Variants in DIAPH3 observed in about 807,000 individuals in gnomAD.
DIAPH3 encodes the protein protein diaphanous homolog 3.
DIAPH3 carries 117 observed loss-of-function variants against 144.3 expected under a neutral mutation model. That is an observed-to-expected ratio of 0.81 (90% confidence interval 0.70 to 0.95). The LOEUF (loss-of-function observed/expected upper bound fraction) is 0.95. Ranked by LOEUF, DIAPH3 falls within the 40% of genes least tolerant of loss-of-function variation. DIAPH3 has a pLI of 0.00. For missense variants in DIAPH3, 1,421 were observed against 1,412.7 expected, an observed-to-expected ratio of 1.01 and a Z score of -0.09; for synonymous variants, 519 against 488.9, an observed-to-expected ratio of 1.06 and a Z score of -0.81.
At chr13:60,010,699 TGTTAGAAATTA>T (rs1299879861) in intron 7 of DIAPH3, 30 bp from the exon 8 acceptor site, 1 of 1,602,836 alleles carries the variant, frequency 6.2e-7, no homozygotes. Flanking sequence ...AGAGGTCAAA[TGTTAGAAATTA>T]GTTAGAAAAA....
chr13:60,162,198 G>A (rs140010307), intron 1 of DIAPH3, among the ~76,000 whole-genome samples: 1 of 152,310 alleles, frequency 6.6e-6, no homozygotes, highest in Non-Finnish European at 1.5e-5. Flanking sequence ...AAACAGCACA[G>A]AGACTGGAAA....
rs1250061967 is a variant in DIAPH3, at chr13:59,965,223, A to ATGCC, written c.2074+4720_2074+4721insGGCA. On this transcript the variant is annotated intron_variant, in intron 17 of 27. Transcript: ENST00000400324. ...TCCATTAACTGTTTCCATATGCCATAACTATTCAGTTGAGAAATAATTTAT... is the reference window on the plus strand; with the variant it reads ...TCCATTAACTGTTTCCATATGCCATATGCCACTATTCAGTTGAGAAATAATTTAT... Among the ~76,000 whole-genome samples, 31 of 152,276 alleles carry ATGCC rather than the reference A, an allele frequency of 2.0e-4. No individual in the cohort carries two copies. In the East Asian group the frequency reaches 6.0e-3, roughly 29 times the overall value.
At chr13:59,878,322 A>G (rs1347484821) in intron 21 of DIAPH3, among the ~76,000 whole-genome samples, 1 of 152,190 alleles carries the variant, frequency 6.6e-6, no homozygotes, top group African/African-American at 2.4e-5. Context: ...ATTGATAGCA[A>G]TGAGAGGCTT....
chr13:59,818,838 T>C (rs2040915448), intron 24 of DIAPH3, among the ~76,000 whole-genome samples: 1 of 151,918 alleles, frequency 6.6e-6, no homozygotes, highest in African/African-American at 2.4e-5. Context: ...CCATTGAATG[T>C]TAAATTTCAA....
At chr13:59,968,839 T>C (rs1009639678) in intron 17 of DIAPH3, among the ~76,000 whole-genome samples, 1 of 152,180 alleles carries the variant, frequency 6.6e-6, no homozygotes, top group Non-Finnish European at 1.5e-5. Context: ...GTTAAACAGA[T>C]ACATAAAGCA....
intron 9 of DIAPH3, 93 bp downstream of exon 9, chr13:60,008,450 CT>C: frequency 1.3e-6 from 1 of 774,420 alleles, no homozygotes; most frequent in Non-Finnish European, 2.2e-6. Flanking sequence ...GCATGCAGAG[CT>C]TCATAACAAT....
At chr13:59,939,003 A>T (rs1401395760) in intron 17 of DIAPH3, among the ~76,000 whole-genome samples, 1 of 152,166 alleles carries the variant, frequency 6.6e-6, no homozygotes, top group Non-Finnish European at 1.5e-5. Flanking sequence ...AAATTTCTTT[A>T]TGAGGCTTGA....
At position 59,934,363 on chromosome 13, in the gene DIAPH3, A is replaced by G. The variant is rs543184936; in HGVS notation, c.2075-9493T>C. On this transcript the variant is annotated intron_variant, in intron 17 of 27. Coordinates refer to ENST00000400324, the MANE Select transcript of DIAPH3 (RefSeq NM_001042517.2). ...ACCTTTCTAAATAGACTGTAATTAC[A>G]CTAGCCTTAAGAGTATGAAAATAAG... 2.6e-4 allele frequency among the ~76,000 whole-genome samples: 39 copies of G among 152,324 alleles called. 1 individual carries two copies. Among genetic ancestry groups the G allele is most frequent in the Middle Eastern group, 3.4e-3 (1 of 294 alleles).
chr13:60,142,912 ATTTTTTTTTTCT>A (rs1490149045), intron 1 of DIAPH3, among the ~76,000 whole-genome samples: 11 of 143,690 alleles, frequency 7.7e-5, no homozygotes, highest in African/African-American at 2.9e-4. Flanking sequence ...CATGCCCCAC[ATTTTTTTTTTCT>A]TTTTTTTTTT....
chr13:59,851,870 G>A (rs1310458651), intron 22 of DIAPH3, among the ~76,000 whole-genome samples: 3 of 151,962 alleles, frequency 2.0e-5, no homozygotes, highest in East Asian at 1.9e-4. Context: ...CGCACGCCTC[G>A]GCCTCCCAAA....
At chr13:60,068,944 TG>T (rs35491918) in intron 4 of DIAPH3, among the ~76,000 whole-genome samples, 97,299 of 151,878 alleles carry the variant, frequency 0.64, 31,668 homozygotes, top group Admixed American at 0.72. Context: ...AGTGCTGCAA[TG>T]AACATGTGCG....
At chr13:60,103,394 T>C (rs2058327343) in intron 3 of DIAPH3, among the ~76,000 whole-genome samples, 1 of 152,130 alleles carries the variant, frequency 6.6e-6, no homozygotes, top group Non-Finnish European at 1.5e-5. Context: ...CAGATTAAAT[T>C]TAAAATGATT....
intron 24 of DIAPH3, among the ~76,000 whole-genome samples, chr13:59,828,207 C>A (rs572089682): frequency 3.3e-5 from 5 of 151,894 alleles, no homozygotes; most frequent in African/African-American, 1.2e-4. Flanking sequence ...AAATCTATTA[C>A]GAAAAGATGC....
At chr13:59,783,991 GTTTAC>G (rs2038891929) in intron 25 of DIAPH3, among the ~76,000 whole-genome samples, 1 of 152,156 alleles carries the variant, frequency 6.6e-6, no homozygotes, top group Non-Finnish European at 1.5e-5. Context: ...TTTCCATTGT[GTTTAC>G]TTTGTGTGTG....
rs374862855 is a variant in DIAPH3, at chr13:59,932,548, C to A, written c.2075-7678G>T. Among the ~76,000 whole-genome samples the A allele has an allele frequency of 3.5e-3, 528 of 152,052 alleles. 3 individuals carry two copies. Among genetic ancestry groups the A allele is most frequent in the African/African-American group, 0.012 (512 of 41,492 alleles). ...TTAGGTGTCACAGTTTAAAAAAAAA[C>A]AAATACAAGCAACCTTCACCACTTC... On this transcript the variant is annotated intron_variant, in intron 17 of 27. Transcript: ENST00000400324.
At chr13:59,681,277 C>G in intron 27 of DIAPH3, among the ~76,000 whole-genome samples, 1 of 152,060 alleles carries the variant, frequency 6.6e-6, no homozygotes, top group East Asian at 1.9e-4. Flanking sequence ...TTAAGATCAG[C>G]CTGGGCAATA....
intron 20 of DIAPH3, among the ~76,000 whole-genome samples, chr13:59,888,130 T>C (rs2045565831): frequency 6.6e-6 from 1 of 152,072 alleles, no homozygotes; most frequent in Admixed American, 6.6e-5. Flanking sequence ...TGTTGAGAAC[T>C]TACTCACCAG....
At chr13:59,827,531 C>G (rs189751584) in intron 24 of DIAPH3, among the ~76,000 whole-genome samples, 2 of 152,034 alleles carry the variant, frequency 1.3e-5, no homozygotes, top group East Asian at 3.9e-4. Flanking sequence ...AGTAAGATGT[C>G]AGATGAAATT....
At chr13:59,798,522 C>A (rs1483912183) in intron 25 of DIAPH3, among the ~76,000 whole-genome samples, 1 of 152,228 alleles carries the variant, frequency 6.6e-6, no homozygotes, top group African/African-American at 2.4e-5. Context: ...GGCACAGAAA[C>A]TCTGGCCCTT....
Sources: allele counts gnomAD v4.1 joint callset (sites outside exome capture counted in the v4.1 genomes callset), GRCh38; gene constraint gnomAD v4.1.1; transcripts MANE v1.5; gene names NCBI Gene and HGNC (gene_info 2026-07-23, HGNC 2026-07-21).